SRRM4: variants seen among roughly 807,000 people sequenced by gnomAD.
SRRM4 encodes the protein serine/arginine repetitive matrix protein 4.
In SRRM4, 33 loss-of-function variants were observed where a neutral mutation model predicts 68.9. The ratio of observed to expected loss-of-function variants is 0.48; its 90% CI spans 0.36 to 0.64. The LOEUF (loss-of-function observed/expected upper bound fraction) is 0.64, where lower values mean the gene tolerates loss of function less well. SRRM4 is among the 30% of genes least tolerant of loss of function. The pLI is 0.00. For missense variants in SRRM4, 817 were observed against 827.1 expected (o/e 0.99, Z 0.15); for synonymous variants, 318 against 318.8 (o/e 1.00, Z 0.03).
At chr12:119,088,356 C>T (rs1953992280) in intron 1 of SRRM4, among the ~76,000 whole-genome samples, 1 of 152,120 alleles carries the variant, frequency 6.6e-6, no homozygotes, top group Non-Finnish European at 1.5e-5. Context: ...CATGCACCCC[C>T]CTCAACGGTG....
intron 1 of SRRM4, among the ~76,000 whole-genome samples, chr12:119,020,349 T>C (rs1478733632): frequency 1.3e-5 from 2 of 152,198 alleles, no homozygotes; most frequent in South Asian, 2.1e-4. Context: ...CCTCATTAAA[T>C]AGCCCATTGA....
At chr12:119,095,901 A>G (rs1954040999) in intron 1 of SRRM4, among the ~76,000 whole-genome samples, 3 of 146,764 alleles carry the variant, frequency 2.0e-5, no homozygotes, top group African/African-American at 7.5e-5. Flanking sequence ...CGGATGTTGC[A>G]GTGAGCCGAG....
intron 1 of SRRM4, among the ~76,000 whole-genome samples, chr12:118,986,252 A>G (rs536962364): frequency 6.6e-6 from 1 of 152,328 alleles, no homozygotes; most frequent in Admixed American, 6.5e-5. Flanking sequence ...TGTGGTTAAG[A>G]GCCAATGCGC....
rs950518900 is a variant in SRRM4 at position 119,160,364 on chromosome 12, A to G, written c.*3566A>G. 1.4e-5 allele frequency: 2 copies of G among 147,260 alleles called. No individual in the cohort carries two copies. Among genetic ancestry groups the G allele is most frequent in the Non-Finnish European group, 3.0e-5 (2 of 67,090 alleles). 9.1% of individuals were successfully genotyped at this position (147,260 alleles called of 1,614,324 possible). A position where few individuals can be genotyped will look rare whatever the true frequency, so the allele number is the denominator to read the frequency against. On this transcript the variant is annotated 3_prime_UTR_variant, in exon 13 of 13. Coordinates refer to ENST00000267260, the MANE Select transcript of SRRM4 (RefSeq NM_194286.4). ...TTTCTTTTACATTTCCTTTTTTTCT[A>G]TCCAAAAACAATGTGCTTGTTGAGG... is the stretch of plus-strand genomic sequence containing the variant.
At chr12:119,064,229 T>C (rs1213356596) in intron 1 of SRRM4, among the ~76,000 whole-genome samples, 1 of 152,154 alleles carries the variant, frequency 6.6e-6, no homozygotes, top group East Asian at 1.9e-4. Context: ...TCCCAAGGGG[T>C]ATATCCTGGT....
intron 4 of SRRM4, among the ~76,000 whole-genome samples, chr12:119,119,193 C>T (rs1284989854): frequency 6.6e-6 from 1 of 151,826 alleles, no homozygotes; most frequent in Non-Finnish European, 1.5e-5. Flanking sequence ...GCACACATTA[C>T]ATGTAGCAAA....
chr12:119,155,894 G>A (rs995025456), intron 12 of SRRM4, among the ~76,000 whole-genome samples: 1 of 152,174 alleles, frequency 6.6e-6, no homozygotes, highest in Admixed American at 6.5e-5. Flanking sequence ...TCAACCTAGA[G>A]GAAAGCTAAG....
intron 1 of SRRM4, among the ~76,000 whole-genome samples, chr12:119,062,807 T>G (rs528584918): frequency 1.3e-5 from 2 of 152,368 alleles, no homozygotes; most frequent in Admixed American, 6.5e-5. Context: ...CAGCCATGCC[T>G]GGATTTGAAT....
chr12:119,050,965 C>G (rs1163524618), intron 1 of SRRM4, among the ~76,000 whole-genome samples: 2 of 152,164 alleles, frequency 1.3e-5, no homozygotes, highest in Non-Finnish European at 2.9e-5. Context: ...CAGAGAGATA[C>G]AAGATGTAGA....
intron 8 of SRRM4, among the ~76,000 whole-genome samples, chr12:119,141,088 C>T (rs1954362215): frequency 6.6e-6 from 1 of 152,216 alleles, no homozygotes; most frequent in Non-Finnish European, 1.5e-5. Context: ...ACTACAGGCA[C>T]ATGCCACCAC....
At chr12:119,091,904 CT>C (rs1228707602) in intron 1 of SRRM4, among the ~76,000 whole-genome samples, 1 of 152,210 alleles carries the variant, frequency 6.6e-6, no homozygotes, top group Non-Finnish European at 1.5e-5. Context: ...ATCCCTTCCT[CT>C]GGACTGTGCA....
At chr12:119,001,564 A>G (rs1953384270) in intron 1 of SRRM4, 1 of 152,184 alleles carries the variant, frequency 6.6e-6, no homozygotes, top group Admixed American at 6.5e-5. Flanking sequence ...ATTACTATGG[A>G]CCACGCACTA....
At chr12:119,013,519 CT>C (rs1953462591) in intron 1 of SRRM4, among the ~76,000 whole-genome samples, 2 of 152,202 alleles carry the variant, frequency 1.3e-5, no homozygotes, top group Admixed American at 1.3e-4. Flanking sequence ...GTACTCCTTT[CT>C]TTTAGACACA....
At chr12:119,150,937 G>A in intron 9 of SRRM4, 80 bp from the exon 10 acceptor site, 1 of 1,374,606 alleles carries the variant, frequency 7.3e-7, no homozygotes, top group Admixed American at 1.9e-5. Flanking sequence ...CACAGCCTAG[G>A]CCAAGGTAGG....
At chr12:119,126,623 T>C (rs1285441111) in intron 7 of SRRM4, among the ~76,000 whole-genome samples, 1 of 152,202 alleles carries the variant, frequency 6.6e-6, no homozygotes, top group Non-Finnish European at 1.5e-5. Context: ...CTGGACTCTC[T>C]CTATGCTAAT....
At chr12:119,020,892 T>A (rs961580004) in intron 1 of SRRM4, among the ~76,000 whole-genome samples, 15 of 152,170 alleles carry the variant, frequency 9.9e-5, no homozygotes, top group South Asian at 2.1e-4. Flanking sequence ...AACGAGAGAA[T>A]AGCCCTAATG....
At chr12:119,081,746 AG>A (rs1953949012) in intron 1 of SRRM4, among the ~76,000 whole-genome samples, 1 of 152,244 alleles carries the variant, frequency 6.6e-6, no homozygotes. Context: ...GGCCTGGACC[AG>A]GGCGCTAGCC....
intron 1 of SRRM4, among the ~76,000 whole-genome samples, chr12:119,042,946 G>A (rs1489851681): frequency 6.6e-6 from 1 of 152,176 alleles, no homozygotes; most frequent in Non-Finnish European, 1.5e-5. Flanking sequence ...GTTGGTGGGA[G>A]TGTAAATTAG....
intron 9 of SRRM4, among the ~76,000 whole-genome samples, chr12:119,146,927 C>T (rs1392231817): frequency 6.7e-6 from 1 of 150,334 alleles, no homozygotes; most frequent in African/African-American, 2.5e-5. Flanking sequence ...CAGAGCCAGA[C>T]TCCATCTCAA....
Sources: allele counts gnomAD v4.1 joint callset (sites outside exome capture counted in the v4.1 genomes callset), GRCh38; gene constraint gnomAD v4.1.1; transcripts MANE v1.5; gene names NCBI Gene and HGNC (gene_info 2026-07-23, HGNC 2026-07-21).